CDH10: variants seen among roughly 807,000 people sequenced by gnomAD.
CDH10 encodes cadherin 10.
A neutral mutation model predicts 73.1 loss-of-function variants in CDH10; 30 were observed. That is an observed-to-expected ratio of 0.41 (90% CI 0.31 to 0.56). The LOEUF (loss-of-function observed/expected upper bound fraction) is 0.56. Among genes scored for constraint, CDH10 ranks in the 20% least tolerant of loss-of-function variants. The probability of loss-of-function intolerance (pLI) is 0.27; values close to 1 mark genes in which losing one functional copy is unlikely to be tolerated. For synonymous variants in CDH10, 345 were observed against 348.2 expected, an observed-to-expected ratio of 0.99 and a Z score of 0.10; for missense variants, 815 against 973.7, an observed-to-expected ratio of 0.84 and a Z score of 2.17.
chr5:24,495,765 T>C (rs951751720), intron 9 of CDH10, among the ~76,000 whole-genome samples: 3 of 151,186 alleles, frequency 2.0e-5, no homozygotes, highest in South Asian at 2.1e-4. Context: ...GAGAATCACT[T>C]GAACCGAACC....
In CDH10 at chr5:24,508,516, T is replaced by A. The variant is rs531467725; in HGVS notation, c.1256+1050A>T. The stretch of plus-strand genomic sequence containing the variant: ...TCATAATATAACCCACATTGCAGCA[T>A]TGCAATTACTTTTTTCTTTTTTTAC... On this transcript the variant is annotated intron_variant, in intron 7 of 11. Transcript: ENST00000264463. Among the ~76,000 whole-genome samples the A allele has an allele frequency of 8.8e-4, 134 of 152,136 alleles. 1 individual carries two copies. Among genetic ancestry groups the A allele is most frequent in the Non-Finnish European group, 1.5e-3 (103 of 68,022 alleles).
At chr5:24,572,971 G>T (rs1372254073) in intron 2 of CDH10, among the ~76,000 whole-genome samples, 1 of 107,270 alleles carries the variant, frequency 9.3e-6, no homozygotes, top group African/African-American at 3.2e-5. Context: ...AAGAAGAGAA[G>T]ACAGAACAAA....
At chr5:24,533,542 GA>G (rs552953707) in intron 5 of CDH10, among the ~76,000 whole-genome samples, 30 of 151,884 alleles carry the variant, frequency 2.0e-4, no homozygotes, top group Non-Finnish European at 4.1e-4. Flanking sequence ...ACTCCCAAAG[GA>G]AATTTATTAC....
intron 11 of CDH10, among the ~76,000 whole-genome samples, chr5:24,491,122 C>T (rs1319394646): frequency 1.3e-5 from 2 of 152,146 alleles, no homozygotes; most frequent in African/African-American, 4.8e-5. Flanking sequence ...GGGTCCTGGC[C>T]ACTGATGCGT....
chr5:24,607,234 C>A (rs1036124483), intron 1 of CDH10, among the ~76,000 whole-genome samples: 2 of 152,128 alleles, frequency 1.3e-5, no homozygotes, highest in African/African-American at 2.4e-5. Context: ...CCGACGCCTG[C>A]AGCACAGAGA....
chr5:24,503,430 C>G (rs1050373326), intron 8 of CDH10, among the ~76,000 whole-genome samples: 1 of 152,132 alleles, frequency 6.6e-6, no homozygotes, highest in African/African-American at 2.4e-5. Flanking sequence ...GGCCTGTGAC[C>G]CAAGCAGTTC....
intron 1 of CDH10, among the ~76,000 whole-genome samples, chr5:24,597,186 T>C (rs1327880641): frequency 1.3e-5 from 2 of 152,094 alleles, no homozygotes; most frequent in African/African-American, 2.4e-5. Context: ...ATATTTCCTT[T>C]AGACCAGTGC....
At chr5:24,509,850 G>A (rs2111755481) in intron 6 of CDH10, 31 bp from the exon 7 acceptor site, 1 of 1,564,076 alleles carries the variant, frequency 6.4e-7, no homozygotes, top group Non-Finnish European at 8.7e-7. Flanking sequence ...TCAAATTAGA[G>A]TGAGGGAAAT....
At chr5:24,534,504 C>T (rs1395731829) in intron 5 of CDH10, among the ~76,000 whole-genome samples, 1 of 151,994 alleles carries the variant, frequency 6.6e-6, no homozygotes, top group Non-Finnish European at 1.5e-5. Flanking sequence ...AGGTTCTTTA[C>T]CTATTCCTAA....
chr5:24,585,589 A>G (rs1745964445), intron 2 of CDH10, among the ~76,000 whole-genome samples: 1 of 151,938 alleles, frequency 6.6e-6, no homozygotes, highest in Non-Finnish European at 1.5e-5. Flanking sequence ...CGCCCAGCTA[A>G]TTTTTTGTAT....
At chr5:24,607,438 G>A (rs1327725720) in intron 1 of CDH10, among the ~76,000 whole-genome samples, 1 of 151,958 alleles carries the variant, frequency 6.6e-6, no homozygotes, top group Non-Finnish European at 1.5e-5. Context: ...TTTATAAGAA[G>A]GAAAGTTAAA....
At chr5:24,636,012 A>G (rs1219363120) in intron 1 of CDH10, among the ~76,000 whole-genome samples, 2 of 151,826 alleles carry the variant, frequency 1.3e-5, no homozygotes, top group Admixed American at 1.3e-4. Flanking sequence ...TTAAAGTTGT[A>G]GCCCTAATGA....
intron 2 of CDH10, among the ~76,000 whole-genome samples, chr5:24,557,127 C>T (rs76569736): frequency 0.015 from 2,268 of 151,652 alleles, 56 homozygotes; most frequent in African/African-American, 0.048. Flanking sequence ...TGGTGAATGG[C>T]TTTCTGTTAG....
At chr5:24,548,546 G>A (rs1428106070) in intron 2 of CDH10, among the ~76,000 whole-genome samples, 1 of 149,774 alleles carries the variant, frequency 6.7e-6, no homozygotes, top group East Asian at 2.0e-4. Flanking sequence ...GATTTGATGG[G>A]GTCCAATGGT....
intron 1 of CDH10, among the ~76,000 whole-genome samples, chr5:24,617,765 T>C (rs1364784292): frequency 1.3e-5 from 2 of 152,204 alleles, no homozygotes; most frequent in South Asian, 2.1e-4. Context: ...GCTCCTTTGC[T>C]ATGTGCCTCC....
chr5:24,557,129 T>C (rs1432077600), intron 2 of CDH10, among the ~76,000 whole-genome samples: 1 of 151,818 alleles, frequency 6.6e-6, no homozygotes, highest in African/African-American at 2.4e-5. Context: ...GTGAATGGCT[T>C]TCTGTTAGTA....
Position 24,535,130 on chromosome 5 carries a change from G to A in CDH10, c.796C>T (p.Pro266Ser), listed in dbSNP as rs2111876173. 1 of 1,610,332 alleles carries A rather than the reference G, an allele frequency of 6.2e-7. No homozygotes were observed. Among genetic ancestry groups the A allele is most frequent in the Non-Finnish European group, 8.5e-7 (1 of 1,178,906 alleles). Residue 266 changes from proline (P) to serine (S), a missense_variant, in exon 5 of 12, where the codon CCA (proline) becomes TCA (serine). Pro to Ser is a moderately conservative substitution (Grantham distance 74). Transcript: ENST00000264463. The part of the protein sequence containing the change: ...NITLTDVNDN[P>S]PRFPQNTIHL... ...TGCTTACTCTGGGGGAAACGTGGTG[G>A]GTTGTCATTGACATCTGTCAGCGTG... is the stretch of plus-strand genomic sequence containing the variant.
At chr5:24,544,184 C>T (rs953483950) in intron 2 of CDH10, among the ~76,000 whole-genome samples, 2 of 152,012 alleles carry the variant, frequency 1.3e-5, no homozygotes, top group Admixed American at 6.6e-5. Context: ...GTCCCAGCTA[C>T]GTGGGAGGTT....
chr5:24,639,890 A>G (rs1747988828), intron 1 of CDH10, among the ~76,000 whole-genome samples: 1 of 151,708 alleles, frequency 6.6e-6, no homozygotes, highest in Non-Finnish European at 1.5e-5. Flanking sequence ...CTACATTCTG[A>G]TAATTTGGAG....
Sources: allele counts gnomAD v4.1 joint callset (sites outside exome capture counted in the v4.1 genomes callset), GRCh38; gene constraint gnomAD v4.1.1; transcripts MANE v1.5; gene names NCBI Gene and HGNC (gene_info 2026-07-23, HGNC 2026-07-21).